OXR1: variants seen among roughly 807,000 people sequenced by gnomAD.
The protein encoded by OXR1 is oxidation resistance 1.
In OXR1, 41 loss-of-function variants were observed where a neutral mutation model predicts 104.6. The observed-to-expected ratio is 0.39, with a 90% CI of 0.31 to 0.51. OXR1 has a LOEUF of 0.51. Among genes scored for constraint, OXR1 ranks in the 20% least tolerant of loss-of-function variants. OXR1 has a pLI of 0.77. For synonymous variants in OXR1, 348 were observed against 348.4 expected (o/e 1.00, Z 0.01); for missense variants, 955 against 1,031.9 (o/e 0.93, Z 1.02).
At chr8:106,537,858 C>A (rs181612510) in intron 3 of OXR1, among the ~76,000 whole-genome samples, 1 of 151,978 alleles carries the variant, frequency 6.6e-6, no homozygotes, top group East Asian at 1.9e-4. Flanking sequence ...AAGTAGAAAC[C>A]TGAATAAAGA....
chr8:106,298,403 A>G (rs577834773), intron 1 of OXR1, among the ~76,000 whole-genome samples: 1 of 152,164 alleles, frequency 6.6e-6, no homozygotes, highest in Non-Finnish European at 1.5e-5. Flanking sequence ...CTTATTCACT[A>G]TCAAGATAAT....
intron 3 of OXR1, chr8:106,522,728 C>T (rs1390099790): frequency 4.6e-5 from 7 of 152,164 alleles, no homozygotes; most frequent in Admixed American, 6.5e-5. Context: ...TACATGTGTA[C>T]AATGAAAGAG....
intron 3 of OXR1, among the ~76,000 whole-genome samples, chr8:106,550,282 G>C (rs1200523871): frequency 6.6e-6 from 1 of 152,188 alleles, no homozygotes; most frequent in East Asian, 1.9e-4. Context: ...AAAACACGGA[G>C]TGTACACTAG....
At chr8:106,706,010 C>G (rs772284577) in intron 8 of OXR1, among the ~76,000 whole-genome samples, 1 of 152,022 alleles carries the variant, frequency 6.6e-6, no homozygotes, top group Non-Finnish European at 1.5e-5. Context: ...TTAAACATTT[C>G]TCTGTGTTTA....
intron 2 of OXR1, among the ~76,000 whole-genome samples, chr8:106,435,301 C>G (rs1023429377): frequency 1.3e-5 from 2 of 152,120 alleles, no homozygotes; most frequent in African/African-American, 4.8e-5. Context: ...TCGAAGAGCT[C>G]TCCTTGGCAG....
At chr8:106,272,989 C>T (rs975653133) in intron 1 of OXR1, 2 of 151,970 alleles carry the variant, frequency 1.3e-5, no homozygotes, top group Admixed American at 6.6e-5. Flanking sequence ...GAGATTAGGT[C>T]CGGGTAGATC....
intron 1 of OXR1, among the ~76,000 whole-genome samples, chr8:106,277,991 A>T (rs542886418): frequency 1.3e-5 from 2 of 152,340 alleles, no homozygotes; most frequent in East Asian, 3.9e-4. Flanking sequence ...CACAATAAGA[A>T]GCCACCACAG....
intron 2 of OXR1, among the ~76,000 whole-genome samples, chr8:106,366,475 G>A (rs1459588798): frequency 6.6e-6 from 1 of 152,196 alleles, no homozygotes; most frequent in Non-Finnish European, 1.5e-5. Flanking sequence ...TGTAGGCTAA[G>A]AGATGTTACT....
At chr8:106,388,104 GA>G (rs1320152017) in intron 2 of OXR1, among the ~76,000 whole-genome samples, 1 of 152,096 alleles carries the variant, frequency 6.6e-6, no homozygotes, top group Non-Finnish European at 1.5e-5. Flanking sequence ...TAACAAATTA[GA>G]AGCAAGAAAT....
In OXR1 at chr8:106,578,983, C is replaced by CTTTTTTTTTTTTTTT. The variant is rs146593561; in HGVS notation, c.220+59847_220+59848insTTTTTTTTTTTTTTT. On this transcript the variant is annotated intron_variant, in intron 3 of 16. Transcript: ENST00000517566. ...GACCACCTAGGTAACCTCACTTTTT[C>CTTTTTTTTTTTTTTT]TTTCTTTTTTTTTTTTTTTGCCTAG... 2.3e-5 allele frequency among the ~76,000 whole-genome samples: 3 copies of CTTTTTTTTTTTTTTT among 131,002 alleles called. 1 individual carries two copies. Among genetic ancestry groups the CTTTTTTTTTTTTTTT allele is most frequent in the African/African-American group, 9.0e-5 (3 of 33,224 alleles). 85.9% of individuals were successfully genotyped at this position (131,002 alleles called of 152,430 possible).
At chr8:106,662,952 T>C (rs923840662) in intron 3 of OXR1, among the ~76,000 whole-genome samples, 2 of 152,130 alleles carry the variant, frequency 1.3e-5, no homozygotes, top group African/African-American at 2.4e-5. Flanking sequence ...TGAAACTTTT[T>C]GAGGGCCTAC....
At chr8:106,400,894 T>G (rs1264271296) in intron 2 of OXR1, among the ~76,000 whole-genome samples, 2 of 152,212 alleles carry the variant, frequency 1.3e-5, no homozygotes, top group Non-Finnish European at 2.9e-5. Flanking sequence ...TTTTACTTTT[T>G]AATTTAGTCA....
chr8:106,737,469 T>G, intron 11 of OXR1, 51 bp from the exon 12 acceptor site: 2 of 287,522 alleles, frequency 7.0e-6, no homozygotes. Context: ...TTTTTTTTGC[T>G]GTTTTTCTCA....
intron 2 of OXR1, among the ~76,000 whole-genome samples, chr8:106,370,437 TGAG>T (rs2130373190): frequency 6.6e-6 from 1 of 152,240 alleles, no homozygotes; most frequent in South Asian, 2.1e-4. Flanking sequence ...AGTACTATGT[TGAG>T]GAGGAGTGGT....
chr8:106,736,889 C>T (rs1418628021), intron 11 of OXR1, among the ~76,000 whole-genome samples: 1 of 152,076 alleles, frequency 6.6e-6, no homozygotes, highest in African/African-American at 2.4e-5. Flanking sequence ...ATTTAAAGGG[C>T]TGAAGCAGAC....
chr8:106,588,229 A>G (rs1442379980), intron 3 of OXR1, among the ~76,000 whole-genome samples: 12 of 151,296 alleles, frequency 7.9e-5, no homozygotes, highest in African/African-American at 2.9e-4. Flanking sequence ...AAAGTGCTGG[A>G]ATTACAGGCA....
At chr8:106,717,796 A>G (rs1587221963) in intron 11 of OXR1, among the ~76,000 whole-genome samples, 1 of 147,926 alleles carries the variant, frequency 6.8e-6, no homozygotes, top group African/African-American at 2.5e-5. Flanking sequence ...ATTTCCTGAA[A>G]TAAGTTCTTA....
intron 2 of OXR1, among the ~76,000 whole-genome samples, chr8:106,500,285 G>A (rs1202884593): frequency 6.6e-6 from 1 of 152,182 alleles, no homozygotes; most frequent in African/African-American, 2.4e-5. Flanking sequence ...GCAGTCCGGC[G>A]CCAGGCCCGA....
intron 3 of OXR1, among the ~76,000 whole-genome samples, chr8:106,526,571 C>G (rs1049341134): frequency 2.0e-5 from 3 of 152,202 alleles, no homozygotes; most frequent in African/African-American, 7.2e-5. Flanking sequence ...GAGACGGAGT[C>G]TCGCTCTGTC....
Sources: gnomAD v4.1 joint callset for allele counts (sites outside exome capture counted in the v4.1 genomes callset) on GRCh38, gnomAD v4.1.1 for gene constraint, MANE v1.5 for transcripts, NCBI Gene and HGNC (gene_info 2026-07-23, HGNC 2026-07-21) for gene names.